Variants in PKLR observed in about 807,000 individuals in gnomAD.
PKLR encodes the protein pyruvate kinase L/R.
Under a neutral mutation model 53.6 loss-of-function variants are expected in PKLR, and 38 were observed. The ratio of observed to expected loss-of-function variants is 0.71; its 90% CI spans 0.55 to 0.93. The LOEUF (loss-of-function observed/expected upper bound fraction) is 0.93. Among genes scored for constraint, PKLR ranks in the 40% least tolerant of loss-of-function variants. The pLI is 0.00. For missense variants in PKLR, 702 were observed against 787.3 expected (o/e 0.89, Z 1.30); for synonymous variants, 328 against 316.2 (o/e 1.04, Z -0.39).
At chr1:155,301,147 A>T in intron 1 of PKLR, 149 bp downstream of exon 1, 1 of 1,325,444 alleles carries the variant, frequency 7.5e-7, no homozygotes, top group African/African-American at 1.5e-5. Flanking sequence ...CCATAATTTA[A>T]CACACGGGAG....
Position 155,294,502 on chromosome 1 carries a change from C to T in PKLR, c.945G>A (p.Glu315=). ...GHGIKIISKI[E]NHEGVKRFDE... ...CTCACCTCTTCACGCCTTCGTGGTT[C>T]TCAATTTTGCTGATGATCTTGATGC... The change falls in exon 6 of 11, where the codon GAG becomes GAA. Residue 315 remains glutamate (E), a synonymous_variant. Transcript: ENST00000342741. 1 of 1,614,270 alleles carries T rather than the reference C, an allele frequency of 6.2e-7. No individual in the cohort carries two copies. Among genetic ancestry groups the T allele is most frequent in the Non-Finnish European group, 8.5e-7 (1 of 1,180,048 alleles).
In PKLR at chr1:155,290,608, G is replaced by C; in HGVS notation, c.1689C>G (p.Gly563=). The part of the protein sequence containing the change: ...IVVTGWRPGS[G]YTNIMRVLSI... ...TTAGCACCCGCATGATGTTGGTGTAGCCGGAGCCAGGTCGCCAGCCTGTCA... is the reference window on the plus strand; with the variant it reads ...TTAGCACCCGCATGATGTTGGTGTACCCGGAGCCAGGTCGCCAGCCTGTCA... The change falls in exon 11 of 11, where the codon GGC becomes GGG. Residue 563 remains glycine, a synonymous_variant. Coordinates refer to ENST00000342741, the MANE Select transcript of PKLR (RefSeq NM_000298.6). 6.2e-7 allele frequency: 1 copy of C among 1,613,140 alleles called. No individual in the cohort carries two copies. The highest frequency in any genetic ancestry group is 1.1e-5 in the South Asian group (1 of 91,046).
At chr1:155,304,146 AT>A (rs1164219155), upstream of PKLR, among the ~76,000 whole-genome samples, 2 of 152,114 alleles carry the variant, frequency 1.3e-5, no homozygotes, top group African/African-American at 4.8e-5. Context: ...TAAAGAATAG[AT>A]GGTAGCCGGG....
the PKLR span, among the ~76,000 whole-genome samples, chr1:155,307,166 G>A: frequency 6.6e-6 from 1 of 152,124 alleles, no homozygotes; most frequent in Non-Finnish European, 1.5e-5. Flanking sequence ...GCCCACCTTG[G>A]CCTCCCAAAG....
intron 2 of PKLR, among the ~76,000 whole-genome samples, chr1:155,298,818 T>G (rs1647755173): frequency 1.3e-5 from 2 of 149,922 alleles, no homozygotes; most frequent in South Asian, 4.2e-4. Context: ...ATTTTTTGTA[T>G]TTTTAGTAGA....
intron 2 of PKLR, among the ~76,000 whole-genome samples, chr1:155,299,268 G>A (rs1249985199): frequency 6.7e-6 from 1 of 150,116 alleles, no homozygotes; most frequent in Non-Finnish European, 1.5e-5. Context: ...ATGACTCACT[G>A]CAGCCGTGAC....
upstream of PKLR, among the ~76,000 whole-genome samples, chr1:155,305,743 C>T (rs1314773033): frequency 6.6e-6 from 1 of 152,114 alleles, no homozygotes; most frequent in East Asian, 1.9e-4. Context: ...GATCCTCCCA[C>T]CTCAACGTCC....
At chr1:155,290,775 G>A in intron 10 of PKLR, 97 bp from the exon 11 acceptor site, 1 of 765,390 alleles carries the variant, frequency 1.3e-6, no homozygotes, top group Non-Finnish European at 2.3e-6. Context: ...GATCACCTGA[G>A]GTCAGGAGTT....
Position 155,289,355 on chromosome 1 carries a change from A to C in PKLR, c.*1217T>G, listed in dbSNP as rs2148192903. On this transcript the variant is annotated 3_prime_UTR_variant, in exon 11 of 11. Transcript: ENST00000342741. ...TATGTGTTACCAATTAATTTTGTTTACCCATTCCTTTATCCATCCCTCCCC... is the reference window on the plus strand; with the variant it reads ...TATGTGTTACCAATTAATTTTGTTTCCCCATTCCTTTATCCATCCCTCCCC... 6.6e-6 allele frequency: 1 copy of C among 152,156 alleles called. No homozygotes were observed. Among genetic ancestry groups the C allele is most frequent in the East Asian group, 1.9e-4 (1 of 5,172 alleles). 9.4% of individuals were successfully genotyped at this position (152,156 alleles called of 1,614,324 possible). A position where few individuals can be genotyped will look rare whatever the true frequency, so the allele number is the denominator to read the frequency against.
Position 155,295,840 on chromosome 1 carries a change from G to T in PKLR, c.284-84C>A. The T allele has an allele frequency of 8.6e-7, 1 of 1,167,212 alleles. No homozygotes were observed. Among genetic ancestry groups the T allele is most frequent in the Non-Finnish European group, 1.3e-6 (1 of 779,130 alleles). The allele number at this position is 1,167,212 out of a possible 1,614,324, so 72.3% of individuals were successfully genotyped here. A position where few individuals can be genotyped will look rare whatever the true frequency, so the allele number is the denominator to read the frequency against. ...CCCAACCCATTACCATTCTCAGAAC[G>T]CCTCACGCCACAGGCGTCCTGTTAC... On this transcript the variant is annotated intron_variant, in intron 2 of 10. Coordinates refer to ENST00000342741, the MANE Select transcript of PKLR (RefSeq NM_000298.6). This position sits in a 1 kb window ranked among gnomAD's most constrained non-coding sequence, Gnocchi z 4.3.
chr1:155,299,035 TC>T (rs1213154585), intron 2 of PKLR, among the ~76,000 whole-genome samples: 9 of 50,444 alleles, frequency 1.8e-4, no homozygotes, highest in Admixed American at 3.7e-4. Flanking sequence ...TCTTTCTTTC[TC>T]TTTCTTTCTT....
chr1:155,291,963 C>G, intron 9 of PKLR, 26 bp from the exon 10 acceptor site: 1 of 1,609,360 alleles, frequency 6.2e-7, no homozygotes, highest in East Asian at 2.2e-5. Flanking sequence ...AAGGTCAGCC[C>G]AGAACAGCAA....
chr1:155,308,611 C>A, the PKLR span: 1 of 985,448 alleles, frequency 1.0e-6, no homozygotes, highest in Non-Finnish European at 1.2e-6. Flanking sequence ...GCAGCCAAAG[C>A]CACAGCGGGG....
At chr1:155,302,103 G>A (rs1648038213), upstream of PKLR, among the ~76,000 whole-genome samples, 1 of 150,368 alleles carries the variant, frequency 6.7e-6, no homozygotes, top group Admixed American at 6.6e-5. Context: ...TGTCGCCCAG[G>A]CTGGAGTGCA....
intron 5 of PKLR, 129 bp from the exon 6 acceptor site, chr1:155,294,881 C>T (rs936553297): frequency 1.6e-6 from 2 of 1,277,110 alleles, no homozygotes; most frequent in Non-Finnish European, 2.2e-6. Flanking sequence ...CGCCCTTGTT[C>T]TGGGCTTCGC....
chr1:155,294,996 G>T (rs1647476224), intron 5 of PKLR, 120 bp downstream of exon 5: 3 of 1,212,430 alleles, frequency 2.5e-6, no homozygotes, highest in Non-Finnish European at 3.6e-6. Flanking sequence ...TCCTGGGACG[G>T]GCTGGCAAAA....
At chr1:155,300,795 C>T in intron 1 of PKLR, 1 of 1,497,676 alleles carries the variant, frequency 6.7e-7, no homozygotes, top group South Asian at 1.2e-5. Flanking sequence ...CTGAGTCTCC[C>T]CAGGCTTCTC....
In PKLR at chr1:155,295,123, C is replaced by T; in HGVS notation, c.687G>A (p.Gln229=). 6.2e-7 allele frequency: 1 copy of T among 1,614,058 alleles called. No individual in the cohort carries two copies. The highest frequency in any genetic ancestry group is 8.5e-7 in the Non-Finnish European group (1 of 1,179,972). Reference sequence around the variant, plus strand: ...CGGGAGGCGCGTCCGCACCGATTTTCTGGACCACTAGGGAGATGAGCCCGT... The same window carrying T: ...CGGGAGGCGCGTCCGCACCGATTTTTTGGACCACTAGGGAGATGAGCCCGT... ...IDDGLISLVV[Q]KIGPEGLVTQ... Residue 229 remains glutamine, a synonymous_variant, in exon 5 of 11, where the codon CAG becomes CAA. Transcript: ENST00000342741. This position sits in a 1 kb window ranked among gnomAD's most constrained non-coding sequence, Gnocchi z 4.3.
At chr1:155,301,520 C>G (rs1647989577), upstream of PKLR, 1 of 1,218,722 alleles carries the variant, frequency 8.2e-7, no homozygotes. Flanking sequence ...CACCCTGTCC[C>G]CACAGAATCC....
Sources: gnomAD v4.1 joint callset for allele counts (sites outside exome capture counted in the v4.1 genomes callset) on GRCh38, gnomAD v4.1.1 for gene constraint, Gnocchi (gnomAD v3.1) non-coding constraint, MANE v1.5 for transcripts, NCBI Gene and HGNC (gene_info 2026-07-23, HGNC 2026-07-21) for gene names.